SLC2A11: variants seen among roughly 807,000 people sequenced by gnomAD.
SLC2A11 encodes the protein solute carrier family 2, facilitated glucose transporter member 11.
SLC2A11 carries 43 observed loss-of-function variants against 52.1 expected under a neutral mutation model. That is an observed-to-expected ratio of 0.82 (90% CI 0.65 to 1.06). The LOEUF is 1.06. Ranked by LOEUF, SLC2A11 falls within the 50% of genes least tolerant of loss-of-function variation. The pLI, the probability that SLC2A11 is intolerant of heterozygous loss-of-function variation, is 0.00. For missense variants in SLC2A11, 582 were observed against 654.2 expected (o/e 0.89, Z 1.20); for synonymous variants, 261 against 277.6 (o/e 0.94, Z 0.59).
chr22:23,858,837 G>C (rs1205941352), intron 1 of SLC2A11, among the ~76,000 whole-genome samples: 1 of 152,204 alleles, frequency 6.6e-6, no homozygotes, highest in Non-Finnish European at 1.5e-5. Context: ...GCGATTGCTT[G>C]TCTTTCTCTG....
intron 3 of SLC2A11, among the ~76,000 whole-genome samples, chr22:23,873,931 GGC>G (rs1485078958): frequency 6.6e-6 from 1 of 152,108 alleles, no homozygotes; most frequent in Admixed American, 6.5e-5. Context: ...GCAGAACACT[GGC>G]CACTTCTGGT....
At chr22:23,859,045 C>T (rs1450544653) in intron 1 of SLC2A11, among the ~76,000 whole-genome samples, 1 of 152,248 alleles carries the variant, frequency 6.6e-6, no homozygotes, top group East Asian at 1.9e-4. Flanking sequence ...TGCATGATCT[C>T]ATTGAATTCA....
chr22:23,872,573 C>T (rs139351428), intron 3 of SLC2A11: 3 of 152,288 alleles, frequency 2.0e-5, no homozygotes, highest in East Asian at 3.9e-4. Flanking sequence ...AATTTGGCTT[C>T]GACCCACTAG....
Position 23,885,024 on chromosome 22 carries a change from G to C in SLC2A11, c.*175G>C. The C allele has an allele frequency of 1.7e-6, 1 of 591,630 alleles. No homozygotes were observed. Among genetic ancestry groups the C allele is most frequent in the Non-Finnish European group, 3.0e-6 (1 of 334,622 alleles). The allele number at this position is 591,630 out of a possible 1,614,324, so 36.6% of individuals were successfully genotyped here. A position where few individuals can be genotyped will look rare whatever the true frequency, so the allele number is the denominator to read the frequency against. On this transcript the variant is annotated 3_prime_UTR_variant, in exon 12 of 12. Coordinates refer to ENST00000316185, the MANE Select transcript of SLC2A11 (RefSeq NM_001024939.4). ...AATCAATGGTGAGCGTGGTATTCCA[G>C]GCTAAAGGTAATTAACTGACAGAAA...
At chr22:23,857,468 C>T (rs1311986385), upstream of SLC2A11, 3 of 1,613,738 alleles carry the variant, frequency 1.9e-6, no homozygotes, top group African/African-American at 1.3e-5. Context: ...GCTTTTCAGC[C>T]TCAGTGCTGC....
intron 1 of SLC2A11, among the ~76,000 whole-genome samples, chr22:23,861,697 A>C (rs974651338): frequency 6.6e-6 from 1 of 152,168 alleles, no homozygotes; most frequent in South Asian, 2.1e-4. Flanking sequence ...CTGTTGGAGA[A>C]GGTTTTCCTG....
At chr22:23,868,663 C>A (rs746569801) in intron 3 of SLC2A11, 22 bp downstream of exon 3, 9 of 1,613,136 alleles carry the variant, frequency 5.6e-6, no homozygotes, top group South Asian at 1.1e-5. Context: ...CTGCATACCC[C>A]CTGAATGCCC....
chr22:23,867,565 G>A (rs560465319), intron 2 of SLC2A11: 62 of 391,548 alleles, frequency 1.6e-4, no homozygotes, highest in African/African-American at 7.6e-4. Flanking sequence ...TCATACCTGC[G>A]CTTATGGTAA....
At chr22:23,876,472 G>T (rs1211671375) in intron 4 of SLC2A11, among the ~76,000 whole-genome samples, 1 of 152,158 alleles carries the variant, frequency 6.6e-6, no homozygotes, top group Admixed American at 6.5e-5. Context: ...ATTCCCAGGG[G>T]CGTGACACCA....
rs189445006 is a variant in SLC2A11 at position 23,882,994 on chromosome 22, C to T, written c.993+125C>T. ...TGCAGTGAGGGGCCAGGTGCGGTGG[C>T]TCATGCCTGTAAGCCCAGCACTTTG... On this transcript the variant is annotated intron_variant, in intron 8 of 11. Transcript: ENST00000316185. 9.9e-4 allele frequency: 905 copies of T among 916,016 alleles called. 5 individuals carry two copies. The African/African-American group carries it at 0.013, about 13-fold the overall frequency. 56.7% of individuals were successfully genotyped at this position (916,016 alleles called of 1,614,324 possible). A position where few individuals can be genotyped will look rare whatever the true frequency, so the allele number is the denominator to read the frequency against.
At chr22:23,868,738 T>A in intron 3 of SLC2A11, 97 bp downstream of exon 3, 1 of 1,454,490 alleles carries the variant, frequency 6.9e-7, no homozygotes, top group Admixed American at 2.0e-5. Context: ...CCCGGCAAGC[T>A]CCAGGCCCAG....
At chr22:23,877,200 G>C in intron 5 of SLC2A11, 29 bp downstream of exon 5, 1 of 1,588,000 alleles carries the variant, frequency 6.3e-7, no homozygotes, top group Non-Finnish European at 8.6e-7. Context: ...CATGCATTGA[G>C]TATTTCGGAG....
At chr22:23,873,331 A>ATGTG (rs1568990950) in intron 3 of SLC2A11, 1 of 150,128 alleles carries the variant, frequency 6.7e-6, no homozygotes, top group African/African-American at 2.5e-5. Flanking sequence ...GTGTGTGTGC[A>ATGTG]CGCGTGTGTG....
In SLC2A11 at chr22:23,859,173, C is replaced by G. The variant is rs2031965111; in HGVS notation, c.30+1144C>G. 2.0e-5 allele frequency among the ~76,000 whole-genome samples: 3 copies of G among 152,284 alleles called. No individual in the cohort carries two copies. In the South Asian group the frequency reaches 6.2e-4, roughly 32 times the overall value. ...TGCTGTCTTAAGGGAGCTCTCACTTCCATGCGGCCCCCGTGGAGCTGTAAT... is the reference window on the plus strand; with the variant it reads ...TGCTGTCTTAAGGGAGCTCTCACTTGCATGCGGCCCCCGTGGAGCTGTAAT... On this transcript the variant is annotated intron_variant, in intron 1 of 11. Coordinates refer to ENST00000316185, the MANE Select transcript of SLC2A11 (RefSeq NM_001024939.4).
At position 23,882,765 on chromosome 22, in the gene SLC2A11, G is replaced by T. The variant is rs749559325; in HGVS notation, c.889G>T (p.Ala297Ser). 1 of 1,612,126 alleles carries T rather than the reference G, an allele frequency of 6.2e-7. No individual in the cohort carries two copies. Among genetic ancestry groups the T allele is most frequent in the Non-Finnish European group, 8.5e-7 (1 of 1,179,108 alleles). Reference sequence around the variant, plus strand: ...GAAAGCCACCCTCTCCCAGGTGTACGCCTACGCCTCCTCCGTGTTCCGGAA... The same window carrying T: ...GAAAGCCACCCTCTCCCAGGTGTACTCCTACGCCTCCTCCGTGTTCCGGAA... ...MELCGNDSVY[A>S]YASSVFRKAG... is the part of the protein sequence containing the mutation. Residue 297 changes from alanine to serine, a missense_variant, in exon 8 of 12, where the codon GCC becomes TCC. Physicochemically the swap from Ala to Ser is moderately conservative, Grantham distance 99 (BLOSUM62 1). Coordinates refer to ENST00000316185, the MANE Select transcript of SLC2A11 (RefSeq NM_001024939.4).
At chr22:23,857,568 T>G (rs1415880897), upstream of SLC2A11, 23 of 1,514,238 alleles carry the variant, frequency 1.5e-5, no homozygotes, top group Admixed American at 1.8e-5. Context: ...CCCGCGGCGG[T>G]GACCCCAAAC....
In SLC2A11 at chr22:23,884,246, G is replaced by T. The variant is rs2032925614; in HGVS notation, c.1172-56G>T. On this transcript the variant is annotated intron_variant, in intron 10 of 11. Coordinates refer to ENST00000316185, the MANE Select transcript of SLC2A11 (RefSeq NM_001024939.4). This position sits in a 1 kb window ranked among gnomAD's most constrained non-coding sequence, Gnocchi z 4.3. Reference sequence around the variant, plus strand: ...CTCCCATGTCTGGGCTGGGGTCGGGGAGAGGCAGGCAGGGAACCCTGGCCA... The same window carrying T: ...CTCCCATGTCTGGGCTGGGGTCGGGTAGAGGCAGGCAGGGAACCCTGGCCA... The T allele has an allele frequency of 3.2e-6, 5 of 1,575,748 alleles. No individual in the cohort carries two copies. The highest frequency in any genetic ancestry group is 1.2e-5 in the South Asian group (1 of 86,084).
intron 1 of SLC2A11, among the ~76,000 whole-genome samples, chr22:23,859,018 G>A (rs946679185): frequency 6.6e-6 from 1 of 152,174 alleles, no homozygotes; most frequent in Non-Finnish European, 1.5e-5. Flanking sequence ...GACCAGGCAC[G>A]GTATAGGCAA....
At chr22:23,880,274 A>AGAAAG in intron 6 of SLC2A11, 1 of 129,914 alleles carries the variant, frequency 7.7e-6, no homozygotes. Context: ...AAAAAAAAAA[A>AGAAAG]AAAAGAAAAG....
Sources: gnomAD v4.1 joint callset for allele counts (sites outside exome capture counted in the v4.1 genomes callset) on GRCh38, gnomAD v4.1.1 for gene constraint, Gnocchi (gnomAD v3.1) non-coding constraint, MANE v1.5 for transcripts, NCBI Gene and HGNC (gene_info 2026-07-23, HGNC 2026-07-21) for gene names.